The following RHOBTB1 variants were observed in gnomAD, a reference collection of about 807,000 sequenced individuals.
The protein encoded by RHOBTB1 is rho-related BTB domain-containing protein 1.
Under a neutral mutation model 71.6 loss-of-function variants are expected in RHOBTB1, and 40 were observed. The observed-to-expected ratio is 0.56, with a 90% CI of 0.43 to 0.73. RHOBTB1 has a LOEUF of 0.73. Among genes scored for constraint, RHOBTB1 ranks in the 30% least tolerant of loss-of-function variants. The pLI is 0.00. For missense variants in RHOBTB1, 797 were observed against 894.0 expected, an observed-to-expected ratio of 0.89 and a Z score of 1.38; for synonymous variants, 319 against 334.9, an observed-to-expected ratio of 0.95 and a Z score of 0.52.
At chr10:60,897,136 C>T (rs1234894344) in intron 4 of RHOBTB1, among the ~76,000 whole-genome samples, 2 of 152,092 alleles carry the variant, frequency 1.3e-5, no homozygotes, top group African/African-American at 2.4e-5. Context: ...GCATCTTACC[C>T]ACATATCTTG....
At chr10:60,865,023 A>G (rs2080630779), downstream of RHOBTB1, among the ~76,000 whole-genome samples, 1 of 152,168 alleles carries the variant, frequency 6.6e-6, no homozygotes, top group Non-Finnish European at 1.5e-5. Flanking sequence ...TCTCAGGTGT[A>G]TAAAGAGAAG....
chr10:60,922,628 C>T (rs1166234399), intron 2 of RHOBTB1, among the ~76,000 whole-genome samples: 1 of 152,190 alleles, frequency 6.6e-6, no homozygotes, highest in Non-Finnish European at 1.5e-5. Flanking sequence ...GAGAGCCACA[C>T]TGACTTGGGA....
chr10:60,891,642 C>T (rs2081924432), intron 5 of RHOBTB1, among the ~76,000 whole-genome samples: 1 of 151,856 alleles, frequency 6.6e-6, no homozygotes, highest in Non-Finnish European at 1.5e-5. Context: ...GCCACTGTGC[C>T]CAGCCTAGAG....
chr10:60,944,416 G>T (rs1181026844), upstream of RHOBTB1, among the ~76,000 whole-genome samples: 1 of 152,178 alleles, frequency 6.6e-6, no homozygotes, highest in Non-Finnish European at 1.5e-5. Context: ...TCTGGGACAC[G>T]GGTGGCAAAG....
chr10:60,969,192 T>C (rs1024989533), intron 2 of RHOBTB1, among the ~76,000 whole-genome samples: 3 of 152,046 alleles, frequency 2.0e-5, no homozygotes, highest in South Asian at 2.1e-4. Flanking sequence ...AGGTCTCCTA[T>C]GGAGGTCCAA....
chr10:60,925,242 G>A (rs1019979798), intron 2 of RHOBTB1, among the ~76,000 whole-genome samples: 1 of 152,156 alleles, frequency 6.6e-6, no homozygotes, highest in Non-Finnish European at 1.5e-5. Context: ...AAAACCATGA[G>A]CCAATTAAAT....
intron 9 of RHOBTB1, among the ~76,000 whole-genome samples, chr10:60,873,600 G>A (rs1476948568): frequency 6.6e-6 from 1 of 152,226 alleles, no homozygotes; most frequent in African/African-American, 2.4e-5. Context: ...GTCCCAATAT[G>A]AAATTCTGGA....
chr10:60,869,508 G>A lies in RHOBTB1; in HGVS notation c.*1974C>T, dbSNP rs2080682200. On this transcript the variant is annotated 3_prime_UTR_variant, in exon 11 of 11. Coordinates refer to ENST00000337910, the MANE Select transcript of RHOBTB1 (RefSeq NM_014836.5). ...ACACAACAAACCACCATGGTTAAAG[G>A]CCATAATCAGCATCAACCAAATGAA... is the stretch of plus-strand genomic sequence containing the variant. 1 of 152,528 alleles carries A rather than the reference G, an allele frequency of 6.6e-6. No homozygotes were observed. Among genetic ancestry groups the A allele is most frequent in the Non-Finnish European group, 1.5e-5 (1 of 68,026 alleles). The allele number at this position is 152,528 out of a possible 1,614,324, so 9.4% of individuals were successfully genotyped here.
intron 8 of RHOBTB1, among the ~76,000 whole-genome samples, chr10:60,875,722 A>T (rs1486313077): frequency 2.0e-5 from 3 of 152,198 alleles, no homozygotes. Context: ...GATTCTAAAG[A>T]CTGGGGAGAC....
At chr10:60,891,021 A>G (rs911414199) in intron 5 of RHOBTB1, among the ~76,000 whole-genome samples, 4 of 152,224 alleles carry the variant, frequency 2.6e-5, no homozygotes, top group Non-Finnish European at 4.4e-5. Context: ...ACTGATTATC[A>G]TAACCTATTT....
chr10:60,973,103 A>AT, intron 2 of RHOBTB1, among the ~76,000 whole-genome samples: 1 of 152,024 alleles, frequency 6.6e-6, no homozygotes, highest in Middle Eastern at 3.4e-3. Context: ...TTTTTTTATG[A>AT]TTTTCTCTAG....
intron 4 of RHOBTB1, among the ~76,000 whole-genome samples, chr10:60,906,160 GA>G (rs1399758898): frequency 6.6e-6 from 1 of 152,168 alleles, no homozygotes; most frequent in Admixed American, 6.5e-5. Context: ...AATTGCTGGG[GA>G]TAAGGGCAAG....
intron 4 of RHOBTB1, among the ~76,000 whole-genome samples, chr10:60,910,051 A>G (rs1224400772): frequency 6.6e-6 from 1 of 152,208 alleles, no homozygotes; most frequent in Non-Finnish European, 1.5e-5. Context: ...AAAATCCTGT[A>G]AGGTGATATG....
chr10:60,978,711 A>G (rs1191675421), intron 2 of RHOBTB1, among the ~76,000 whole-genome samples: 2 of 152,190 alleles, frequency 1.3e-5, no homozygotes, highest in Non-Finnish European at 2.9e-5. Flanking sequence ...AGAGCTAAGC[A>G]ACATAGAACA....
chr10:60,861,954 G>A, the RHOBTB1 span, among the ~76,000 whole-genome samples: 1 of 152,102 alleles, frequency 6.6e-6, no homozygotes, highest in South Asian at 2.1e-4. Flanking sequence ...CAGCTGGCAG[G>A]GTTGCTTAGA....
intron 7 of RHOBTB1, among the ~76,000 whole-genome samples, chr10:60,878,572 A>T (rs2132332544): frequency 6.6e-6 from 1 of 152,380 alleles, no homozygotes; most frequent in South Asian, 2.1e-4. Flanking sequence ...ACAATGTACT[A>T]CACAACGTAT....
chr10:60,961,965 G>T (rs899683899), intron 2 of RHOBTB1, among the ~76,000 whole-genome samples: 1 of 151,894 alleles, frequency 6.6e-6, no homozygotes, highest in South Asian at 2.1e-4. Flanking sequence ...GCACTACCAC[G>T]CCTGGATAAT....
chr10:60,943,263 A>T (rs1272005574), intron 1 of RHOBTB1, among the ~76,000 whole-genome samples: 1 of 152,182 alleles, frequency 6.6e-6, no homozygotes, highest in African/African-American at 2.4e-5. Context: ...ACTGCTGGGG[A>T]TGGAAACGGT....
intron 2 of RHOBTB1, among the ~76,000 whole-genome samples, chr10:60,913,770 AT>A (rs2083117959): frequency 2.0e-5 from 3 of 152,194 alleles, no homozygotes; most frequent in Non-Finnish European, 4.4e-5. Context: ...CCTTAGAAGG[AT>A]GTGAGTTTGA....
Sources: gnomAD v4.1 joint callset for allele counts (sites outside exome capture counted in the v4.1 genomes callset) on GRCh38, gnomAD v4.1.1 for gene constraint, MANE v1.5 for transcripts, NCBI Gene and HGNC (gene_info 2026-07-23, HGNC 2026-07-21) for gene names.